VIRMA: variants seen among roughly 807,000 people sequenced by gnomAD.
VIRMA encodes protein virilizer homolog.
A neutral mutation model predicts 182.4 loss-of-function variants in VIRMA; 65 were observed. The observed-to-expected ratio is 0.36, with a 90% confidence interval of 0.29 to 0.44. The LOEUF (loss-of-function observed/expected upper bound fraction) is 0.44. Ranked by LOEUF, VIRMA falls within the 20% of genes least tolerant of loss-of-function variation. The probability of loss-of-function intolerance (pLI) is 1.00; values close to 1 mark genes in which losing one functional copy is unlikely to be tolerated. For missense variants in VIRMA, 1,752 were observed against 2,158.1 expected (o/e 0.81, Z 3.73); for synonymous variants, 709 against 743.1 (o/e 0.95, Z 0.75).
At chr8:94,510,931 A>G in intron 13 of VIRMA, 2 of 1,277,708 alleles carry the variant, frequency 1.6e-6, no homozygotes, top group East Asian at 2.7e-5. Flanking sequence ...AGGATTTAAA[A>G]TAACAGAAAA....
At chr8:94,528,407 A>C (rs1815047883) in intron 7 of VIRMA, among the ~76,000 whole-genome samples, 1 of 152,160 alleles carries the variant, frequency 6.6e-6, no homozygotes, top group Non-Finnish European at 1.5e-5. Flanking sequence ...AGCCCCTATG[A>C]TTCTGAAATG....
Position 94,492,642 on chromosome 8 carries a change from T to G in VIRMA, c.4808+10A>C. On this transcript the variant is annotated intron_variant, in intron 21 of 23. Transcript: ENST00000297591. ...ATGACATTTGAGATCTTCAGTGGAA[T>G]AAATTTTACCTTGACGTTATAAAGG... 1 of 1,608,428 alleles carries G rather than the reference T, an allele frequency of 6.2e-7. No homozygotes were observed. The highest frequency in any genetic ancestry group is 1.7e-4 in the Middle Eastern group (1 of 6,038).
intron 6 of VIRMA, among the ~76,000 whole-genome samples, chr8:94,530,504 AAAAAAAG>A (rs996750894): frequency 3.3e-5 from 5 of 151,928 alleles, no homozygotes; most frequent in South Asian, 2.1e-4. Context: ...CTCAAAAAAA[AAAAAAAG>A]AAAAAAGAAA....
intron 18 of VIRMA, 190 bp downstream of exon 18, chr8:94,496,138 A>C (rs1439380251): frequency 1.4e-5 from 9 of 630,092 alleles, no homozygotes; most frequent in African/African-American, 1.8e-5. Context: ...TACCGTCTTC[A>C]TGTACTCCTT....
chr8:94,518,147 AG>A (rs1814626813), intron 9 of VIRMA, among the ~76,000 whole-genome samples: 1 of 152,274 alleles, frequency 6.6e-6, no homozygotes, highest in Non-Finnish European at 1.5e-5. Context: ...TATATAAAAA[AG>A]CATACATATC....
intron 16 of VIRMA, among the ~76,000 whole-genome samples, chr8:94,504,887 T>C (rs1439962284): frequency 6.6e-6 from 1 of 152,096 alleles, no homozygotes; most frequent in Non-Finnish European, 1.5e-5. Flanking sequence ...TAAGAGGACT[T>C]AGGACAAGGT....
chr8:94,498,422 G>A (rs1216341525), intron 17 of VIRMA: 1 of 152,212 alleles, frequency 6.6e-6, no homozygotes, highest in African/African-American at 2.4e-5. Flanking sequence ...ATAACAAAGA[G>A]ACTAACAAAA....
chr8:94,529,156 T>C lies in VIRMA; in HGVS notation c.794A>G (p.Glu265Gly), dbSNP rs143837708. 17 of 1,405,690 alleles carry C rather than the reference T, an allele frequency of 1.2e-5. No individual in the cohort carries two copies. In the Middle Eastern group the frequency reaches 7.0e-4, roughly 58 times the overall value. 87.1% of individuals were successfully genotyped at this position (1,405,690 alleles called of 1,614,324 possible). ...ACTGTCTACTGTTCGTCGATCATCC[T>C]CATCCTCATCCTCTTCTTCCTCTAC... ...VDVEEEEDED[E>G]DDRRTVDSIP... The change falls in exon 7 of 24, where the codon GAG becomes GGG. Residue 265 changes from glutamate to glycine, a missense_variant. By Grantham distance (98) the Glu-to-Gly change is moderately conservative. Coordinates refer to ENST00000297591, the MANE Select transcript of VIRMA (RefSeq NM_015496.5).
At chr8:94,548,211 CAA>C (rs1014834810) in intron 1 of VIRMA, among the ~76,000 whole-genome samples, 2 of 125,304 alleles carry the variant, frequency 1.6e-5, no homozygotes. Flanking sequence ...ATTACCTAGT[CAA>C]AAAAAAAAAG....
chr8:94,536,811 C>T (rs1371970722), intron 4 of VIRMA, among the ~76,000 whole-genome samples: 1 of 152,112 alleles, frequency 6.6e-6, no homozygotes, highest in Non-Finnish European at 1.5e-5. Context: ...AACCCCGTCC[C>T]TACTAAAAAT....
At chr8:94,525,901 C>T (rs1814943237) in intron 8 of VIRMA, among the ~76,000 whole-genome samples, 1 of 152,212 alleles carries the variant, frequency 6.6e-6, no homozygotes, top group Non-Finnish European at 1.5e-5. Flanking sequence ...CCTTCCTACA[C>T]CATTCCTTTG....
intron 2 of VIRMA, among the ~76,000 whole-genome samples, chr8:94,543,042 G>A (rs999452385): frequency 2.6e-5 from 4 of 151,984 alleles, no homozygotes; most frequent in African/African-American, 9.7e-5. Context: ...CCGAGTAGCT[G>A]GGATTACAGG....
intron 16 of VIRMA, among the ~76,000 whole-genome samples, chr8:94,505,617 G>C (rs760001704): frequency 5.9e-5 from 9 of 151,768 alleles, no homozygotes; most frequent in Non-Finnish European, 1.3e-4. Context: ...CAAGTAGTTG[G>C]GACTACAGGT....
intron 16 of VIRMA, among the ~76,000 whole-genome samples, chr8:94,505,441 T>C (rs977372167): frequency 6.6e-6 from 1 of 152,068 alleles, no homozygotes; most frequent in African/African-American, 2.4e-5. Flanking sequence ...AAATTATACT[T>C]GAGACAGTGA....
chr8:94,519,027 C>G lies in VIRMA; in HGVS notation c.2471G>C (p.Ser824Thr), dbSNP rs774964641. Residue 824 changes from serine to threonine, a missense_variant, in exon 9 of 24, where the codon AGT (serine) becomes ACT (threonine). Ser to Thr is a moderately conservative substitution (Grantham distance 58). Coordinates refer to ENST00000297591, the MANE Select transcript of VIRMA (RefSeq NM_015496.5). ...HVFSLEKNLQ[S>T]LITLMEYYSK... The stretch of plus-strand genomic sequence containing the variant: ...ATAGTACTCCATTAGAGTAATAAGA[C>G]TTTGGAGATTTTTCTCCAGACTAAA... The G allele has an allele frequency of 1.9e-6, 3 of 1,613,582 alleles. No homozygotes were observed. The Admixed American group carries it at 5.0e-5, about 27-fold the overall frequency.
At chr8:94,506,445 G>C (rs1814156884) in intron 16 of VIRMA, 55 bp downstream of exon 16, 4 of 1,130,588 alleles carry the variant, frequency 3.5e-6, no homozygotes, top group African/African-American at 1.5e-5. Context: ...TGAAGGAGCA[G>C]TGACAGAATG....
chr8:94,490,209 T>C lies in VIRMA; in HGVS notation c.5141-127A>G, dbSNP rs1454848397. 6.8e-6 allele frequency: 7 copies of C among 1,032,506 alleles called. No homozygotes were observed. The East Asian group carries it at 1.3e-4, about 19-fold the overall frequency. 64.0% of individuals were successfully genotyped at this position (1,032,506 alleles called of 1,614,324 possible). A position where few individuals can be genotyped will look rare whatever the true frequency, so the allele number is the denominator to read the frequency against. On this transcript the variant is annotated intron_variant, in intron 22 of 23. Coordinates refer to ENST00000297591, the MANE Select transcript of VIRMA (RefSeq NM_015496.5). Reference sequence around the variant, plus strand: ...CTGAAATTCTGCAAACTGACTGTACTATATAGTGGCAACATCACAGTGGTT... The same window carrying C: ...CTGAAATTCTGCAAACTGACTGTACCATATAGTGGCAACATCACAGTGGTT...
At chr8:94,549,290 A>C (rs1261704070) in intron 1 of VIRMA, among the ~76,000 whole-genome samples, 1 of 152,246 alleles carries the variant, frequency 6.6e-6, no homozygotes, top group Non-Finnish European at 1.5e-5. Context: ...TCCCTGTGTG[A>C]AACTAATAAA....
At chr8:94,528,947 C>T (rs1815061385) in intron 7 of VIRMA, 123 bp downstream of exon 7, 1 of 1,240,904 alleles carries the variant, frequency 8.1e-7, no homozygotes, top group Non-Finnish European at 1.1e-6. Flanking sequence ...GGCCTAGCTA[C>T]ATTCTGACCC....
Sources: allele counts gnomAD v4.1 joint callset (sites outside exome capture counted in the v4.1 genomes callset), GRCh38; gene constraint gnomAD v4.1.1; transcripts MANE v1.5; gene names NCBI Gene and HGNC (gene_info 2026-07-23, HGNC 2026-07-21).